The following MYCBP2 variants were observed in gnomAD, a reference collection of about 807,000 sequenced individuals.
MYCBP2 encodes E3 ubiquitin-protein ligase MYCBP2.
In MYCBP2, 120 loss-of-function variants were observed where a neutral mutation model predicts 525.3. The observed-to-expected ratio is 0.23, with a 90% CI of 0.20 to 0.27. The LOEUF (loss-of-function observed/expected upper bound fraction) is 0.27. Ranked by LOEUF, MYCBP2 falls within the 10% of genes least tolerant of loss-of-function variation. The probability of loss-of-function intolerance (pLI) is 1.00; values close to 1 mark genes in which losing one functional copy is unlikely to be tolerated. For missense variants in MYCBP2, 4,149 were observed against 5,657.1 expected (o/e 0.73, Z 8.55); for synonymous variants, 1,894 against 1,955.8 (o/e 0.97, Z 0.83).
rs1008202090 is a variant in MYCBP2 at position 77,064,883 on chromosome 13, C to T, written c.12553-149G>A. 2.0e-5 allele frequency: 12 copies of T among 600,446 alleles called. No homozygotes were observed. In the African/African-American group the frequency reaches 2.3e-4, roughly 12 times the overall value. The allele number at this position is 600,446 out of a possible 1,614,324, so 37.2% of individuals were successfully genotyped here. ...TAGATTATGGGCACAAACTTTTGAA[C>T]TAAAATTTCTTCGTGATCCTATGGA... On this transcript the variant is annotated intron_variant, in intron 72 of 82. Coordinates refer to ENST00000544440, the MANE Select transcript of MYCBP2 (RefSeq NM_015057.5).
Position 77,150,782 on chromosome 13 carries a change from T to C in MYCBP2, c.7083A>G (p.Glu2361=), listed in dbSNP as rs188691250. The change falls in exon 47 of 83, where the codon GAA becomes GAG. Residue 2361 remains glutamate, a synonymous_variant. Coordinates refer to ENST00000544440, the MANE Select transcript of MYCBP2 (RefSeq NM_015057.5). ...LASPKLDVSY[E]PMIVKEARYI... ...ATCGAGCTTCCTTCACTATCATTGG[T>C]TCATATGAAACATCTAGCTTTGGTG... is the stretch of plus-strand genomic sequence containing the variant. 3.7e-6 allele frequency: 6 copies of C among 1,614,158 alleles called. No homozygotes were observed. In the Admixed American group the frequency reaches 6.7e-5, roughly 18 times the overall value.
At chr13:77,241,849 A>G (rs898939830) in intron 17 of MYCBP2, among the ~76,000 whole-genome samples, 1 of 150,958 alleles carries the variant, frequency 6.6e-6, no homozygotes, top group Non-Finnish European at 1.5e-5. Context: ...AAGAATAGCT[A>G]GAAAAAAATA....
intron 62 of MYCBP2, among the ~76,000 whole-genome samples, chr13:77,084,852 C>A (rs2043950230): frequency 6.6e-6 from 1 of 152,016 alleles, no homozygotes; most frequent in South Asian, 2.1e-4. Flanking sequence ...TTCTGCAGCT[C>A]TGTACCACTA....
chr13:77,277,944 T>G (rs1238261699), intron 4 of MYCBP2, among the ~76,000 whole-genome samples: 1 of 152,238 alleles, frequency 6.6e-6, no homozygotes, highest in Non-Finnish European at 1.5e-5. Flanking sequence ...TATTCCTTAG[T>G]ACCTTTTAAG....
rs763507470 is a variant in MYCBP2 at position 77,150,940 on chromosome 13, T to C, written c.6925A>G (p.Lys2309Glu). ...VHVPNMKVEV[K>E]AVPVSQKKMS... ...TTTTTCTGAGAAACAGGGACAGCTTTCACTTCCACCTAAACATGGTATTAT... is the reference window on the plus strand; with the variant it reads ...TTTTTCTGAGAAACAGGGACAGCTTCCACTTCCACCTAAACATGGTATTAT... Residue 2309 changes from lysine (K) to glutamate (E), a missense_variant, in exon 47 of 83, where the codon AAA becomes GAA. Physicochemically the swap from Lys to Glu is moderately conservative, Grantham distance 56. This residue lies in a region of MYCBP2 where 692 missense variants were observed against 852.7 expected (regional missense o/e 0.81). Coordinates refer to ENST00000544440, the MANE Select transcript of MYCBP2 (RefSeq NM_015057.5). The C allele has an allele frequency of 1.2e-6, 2 of 1,613,798 alleles. No individual in the cohort carries two copies. The highest frequency in any genetic ancestry group is 4.5e-5 in the East Asian group (2 of 44,860).
intron 28 of MYCBP2, among the ~76,000 whole-genome samples, 179 bp from the exon 29 acceptor site, chr13:77,190,514 G>C (rs191286667): frequency 2.2e-4 from 34 of 152,294 alleles, no homozygotes; most frequent in Admixed American, 1.6e-3. Flanking sequence ...TCAGTAAAAT[G>C]AAAGAACTGA....
chr13:77,130,135 T>G (rs748228439), intron 52 of MYCBP2, among the ~76,000 whole-genome samples: 3 of 151,750 alleles, frequency 2.0e-5, no homozygotes, highest in Non-Finnish European at 2.9e-5. Flanking sequence ...ATCTTTCTAG[T>G]GAGTAGCAAT....
At chr13:77,257,539 A>C (rs113376179) in intron 14 of MYCBP2, 132 bp downstream of exon 14, 5 of 981,296 alleles carry the variant, frequency 5.1e-6, no homozygotes, top group African/African-American at 5.1e-5. Flanking sequence ...ATTTTTAAAA[A>C]AAATTTAAAT....
rs985153184 is a variant in MYCBP2 at position 77,270,554 on chromosome 13, G to A, written c.946-16C>T. On this transcript the variant is annotated splice_polypyrimidine_tract_variant and intron_variant, in intron 5 of 82. Transcript: ENST00000544440. ...TTGTTGGCACCTAATCAAAAGAGAA[G>A]AAAAATAATGAAAAAACATTTTTAA... 6.4e-7 allele frequency: 1 copy of A among 1,565,596 alleles called. No homozygotes were observed.
At chr13:77,254,453 C>G (rs1356895059) in intron 14 of MYCBP2, among the ~76,000 whole-genome samples, 2 of 151,722 alleles carry the variant, frequency 1.3e-5, no homozygotes, top group East Asian at 3.9e-4. Context: ...TCTGTACTTT[C>G]CTGGTTTAAA....
rs753812427 is a variant in MYCBP2 at position 77,211,238 on chromosome 13, A to G, written c.3345T>C (p.Phe1115=). The part of the protein sequence containing the change: ...INKVDGSCKT[F]NDSEQEDLQG... The stretch of plus-strand genomic sequence containing the variant: ...GCAGATCCTCTTGTTCTGAGTCATT[A>G]AAAGTTTTACAACTCCCATCCACTT... The change falls in exon 23 of 83, where the codon TTT becomes TTC. Residue 1115 remains phenylalanine, a synonymous_variant. Transcript: ENST00000544440. 1 of 1,554,744 alleles carries G rather than the reference A, an allele frequency of 6.4e-7. No individual in the cohort carries two copies. The highest frequency in any genetic ancestry group is 8.7e-7 in the Non-Finnish European group (1 of 1,147,496).
chr13:77,192,861 G>T, intron 27 of MYCBP2, among the ~76,000 whole-genome samples: 1 of 152,172 alleles, frequency 6.6e-6, no homozygotes, highest in East Asian at 1.9e-4. Flanking sequence ...AGGCACAGTG[G>T]CTCATTCCTG....
intron 41 of MYCBP2, among the ~76,000 whole-genome samples, chr13:77,166,061 A>G (rs951202033): frequency 1.3e-5 from 2 of 152,180 alleles, no homozygotes; most frequent in African/African-American, 4.8e-5. Context: ...ACAGACAGCT[A>G]GCTACTCCTC....
At chr13:77,294,131 C>CATATATATATATATATATATAAAT in intron 2 of MYCBP2, among the ~76,000 whole-genome samples, 1 of 65,692 alleles carries the variant, frequency 1.5e-5, no homozygotes, top group Non-Finnish European at 3.0e-5. Context: ...TATATATATA[C>CATATATATATATATATATATAAAT]ATATATATAT....
In MYCBP2 at chr13:77,081,714, A is replaced by T. The variant is rs1209632763; in HGVS notation, c.11194-63T>A. On this transcript the variant is annotated intron_variant, in intron 64 of 82. Coordinates refer to ENST00000544440, the MANE Select transcript of MYCBP2 (RefSeq NM_015057.5). This position sits in a 1 kb window ranked among gnomAD's most constrained non-coding sequence, Gnocchi z 4.6. ...AGCAAATCTTTCGTGATGATAAAACAAACAGGTATAAGATAAAACATAATG... is the reference window on the plus strand; with the variant it reads ...AGCAAATCTTTCGTGATGATAAAACTAACAGGTATAAGATAAAACATAATG... 6.5e-6 allele frequency: 10 copies of T among 1,536,394 alleles called. No individual in the cohort carries two copies. The highest frequency in any genetic ancestry group is 8.8e-6 in the Non-Finnish European group (10 of 1,137,642).
intron 80 of MYCBP2, among the ~76,000 whole-genome samples, chr13:77,053,137 C>CA (rs79225062): frequency 2.6e-3 from 253 of 95,774 alleles, no homozygotes; most frequent in Admixed American, 7.3e-3. Flanking sequence ...GACCCCGTCT[C>CA]AAAAAAAAAA....
rs139670540 is a variant in MYCBP2 at position 77,221,213 on chromosome 13, C to T, written c.2939+3238G>A. 4.3e-3 allele frequency among the ~76,000 whole-genome samples: 660 copies of T among 152,090 alleles called. 5 individuals are homozygous for T. The highest frequency in any genetic ancestry group is 0.017 in the Middle Eastern group (5 of 294). ...TAAATGCTATCGTATTTCATGAAGA[C>T]GATAAATTCAAGCAATTTAAAATAT... On this transcript the variant is annotated intron_variant, in intron 20 of 82. Transcript: ENST00000544440.
chr13:77,263,855 A>G, intron 9 of MYCBP2, 66 bp from the exon 10 acceptor site: 1 of 1,607,628 alleles, frequency 6.2e-7, no homozygotes, highest in South Asian at 1.1e-5. Context: ...TCTACAGTCT[A>G]TCTAATAAAA....
chr13:77,235,848 C>T (rs562047105), intron 17 of MYCBP2, among the ~76,000 whole-genome samples: 2 of 151,616 alleles, frequency 1.3e-5, no homozygotes, highest in South Asian at 2.1e-4. Flanking sequence ...GAAACCACCA[C>T]ATAAGATGAG....
Sources: gnomAD v4.1 joint callset for allele counts (sites outside exome capture counted in the v4.1 genomes callset) on GRCh38, gnomAD v4.1.1 for gene constraint, gnomAD v4.1.1 regional missense constraint, Gnocchi (gnomAD v3.1) non-coding constraint, MANE v1.5 for transcripts, NCBI Gene and HGNC (gene_info 2026-07-23, HGNC 2026-07-21) for gene names.